Variants in LYRM4 observed in about 807,000 individuals in gnomAD.
LYRM4 encodes LYR motif containing 4.
Under a neutral mutation model 11.7 loss-of-function variants are expected in LYRM4, and 9 were observed. That is an observed-to-expected ratio of 0.77 (90% CI 0.46 to 1.34). The LOEUF is 1.34. Ranked by LOEUF, LYRM4 falls within the 40% of genes most tolerant of loss-of-function variation. LYRM4 has a pLI of 0.00. For synonymous variants in LYRM4, 42 were observed against 40.4 expected (o/e 1.04, Z -0.15); for missense variants, 133 against 112.5 (o/e 1.18, Z -0.82).
intron 1 of LYRM4, among the ~76,000 whole-genome samples, chr6:5,252,624 T>C (rs888894697): frequency 6.6e-6 from 1 of 152,226 alleles, no homozygotes; most frequent in Non-Finnish European, 1.5e-5. Context: ...TCACTAGAGA[T>C]GCTAGAATAG....
chr6:5,035,169 T>C, the LYRM4 span, among the ~76,000 whole-genome samples: 2 of 152,078 alleles, frequency 1.3e-5, no homozygotes, highest in African/African-American at 4.8e-5. Flanking sequence ...ATTTGCTAGT[T>C]CAGGGTTTGA....
chr6:5,068,238 T>C, the LYRM4 span, among the ~76,000 whole-genome samples: 1 of 152,286 alleles, frequency 6.6e-6, no homozygotes, highest in African/African-American at 2.4e-5. This position sits in a 1 kb window ranked among gnomAD's most constrained non-coding sequence, Gnocchi z 4.0. Flanking sequence ...AGAAGTCAGT[T>C]TGGAAATGCG....
At chr6:5,216,133 G>C (rs80021251) in intron 2 of LYRM4, among the ~76,000 whole-genome samples, 2,981 of 152,186 alleles carry the variant, frequency 0.02, 86 homozygotes, top group African/African-American at 0.067. Flanking sequence ...CACCCAAGCA[G>C]CTGTACTTTA....
the LYRM4 span, among the ~76,000 whole-genome samples, chr6:5,072,848 T>C: frequency 1.3e-5 from 2 of 152,186 alleles, no homozygotes; most frequent in African/African-American, 4.8e-5. Flanking sequence ...TGAAGACTTC[T>C]TTTAGAAAAA....
intron 2 of LYRM4, among the ~76,000 whole-genome samples, chr6:5,141,344 C>T (rs980085782): frequency 5.3e-5 from 8 of 152,160 alleles, no homozygotes; most frequent in South Asian, 2.1e-4. Context: ...GGCTTCTCTG[C>T]GCATCAGTTT....
chr6:5,122,939 G>A (rs1763526644), intron 2 of LYRM4, among the ~76,000 whole-genome samples: 1 of 152,198 alleles, frequency 6.6e-6, no homozygotes, highest in Non-Finnish European at 1.5e-5. Context: ...GAGCTGCTAC[G>A]CGACATCCAC....
chr6:5,239,585 G>A (rs897319747), intron 1 of LYRM4, among the ~76,000 whole-genome samples: 3 of 151,964 alleles, frequency 2.0e-5, no homozygotes, highest in Admixed American at 6.6e-5. Context: ...GTGGTGTCCC[G>A]CACGCTAGGG....
intron 2 of LYRM4, among the ~76,000 whole-genome samples, chr6:5,113,928 A>C (rs1193946552): frequency 6.6e-6 from 1 of 152,214 alleles, no homozygotes; most frequent in Non-Finnish European, 1.5e-5. Context: ...TACGTTATGA[A>C]AATTTGAGAT....
downstream of LYRM4, chr6:5,104,261 G>A (rs1049897819): frequency 6.6e-6 from 1 of 151,660 alleles, no homozygotes; most frequent in African/African-American, 2.4e-5. Flanking sequence ...AGGGTCTTTC[G>A]AGTTGTTTTA....
Position 5,113,216 on chromosome 6 carries a change from C to T in LYRM4, c.208-3725G>A, listed in dbSNP as rs141258590. On this transcript the variant is annotated intron_variant, in intron 2 of 2. Coordinates refer to ENST00000330636, the MANE Select transcript of LYRM4 (RefSeq NM_020408.6). ...TCGGGAGGTCGAGACGGGTGGATCA[C>T]GAGGTCACAAGTCTGAGACCAGCCT... 6.3e-4 allele frequency: 221 copies of T among 353,330 alleles called. 1 individual carries two copies. The highest frequency in any genetic ancestry group is 4.4e-3 in the African/African-American group (202 of 46,096). 21.9% of individuals were successfully genotyped at this position (353,330 alleles called of 1,614,324 possible).
At chr6:5,145,347 T>C (rs200868) in intron 2 of LYRM4, among the ~76,000 whole-genome samples, 122,212 of 152,220 alleles carry the variant, frequency 0.8, 49,245 homozygotes, top group East Asian at 0.92. Context: ...CCTGTGTAAG[T>C]GCCTTATCGC....
the LYRM4 span, chr6:5,065,912 C>T: frequency 4.6e-6 from 1 of 216,638 alleles, no homozygotes; most frequent in African/African-American, 2.3e-5. Context: ...TTCTCTTCTT[C>T]CTTTTTTCCT....
chr6:5,088,087 A>AT, the LYRM4 span: 1 of 151,732 alleles, frequency 6.6e-6, no homozygotes, highest in Non-Finnish European at 1.5e-5. Flanking sequence ...TTTATTTTTA[A>AT]TTTAATTTTC....
the LYRM4 span, among the ~76,000 whole-genome samples, chr6:5,063,772 C>A: frequency 4.6e-5 from 7 of 152,224 alleles, no homozygotes; most frequent in Admixed American, 3.3e-4. Flanking sequence ...CCTGCCCAGC[C>A]TGGTCCCACC....
intron 1 of LYRM4, among the ~76,000 whole-genome samples, chr6:5,252,752 C>A (rs927298577): frequency 6.6e-6 from 1 of 152,110 alleles, no homozygotes; most frequent in Non-Finnish European, 1.5e-5. Flanking sequence ...GCTGTGACTG[C>A]CCTTCTTCTT....
At chr6:5,171,072 TG>T (rs1759401111) in intron 2 of LYRM4, among the ~76,000 whole-genome samples, 1 of 152,258 alleles carries the variant, frequency 6.6e-6, no homozygotes, top group South Asian at 2.1e-4. Flanking sequence ...AGGAAAACTA[TG>T]CATTCATATT....
At chr6:5,079,889 CCTT>C in the LYRM4 span, among the ~76,000 whole-genome samples, 17 of 152,342 alleles carry the variant, frequency 1.1e-4, no homozygotes, top group East Asian at 3.9e-4. Context: ...GCAAGCTCCT[CCTT>C]GTTGGGCAGT....
intron 1 of LYRM4, among the ~76,000 whole-genome samples, chr6:5,249,373 G>A (rs932001314): frequency 1.3e-5 from 2 of 152,192 alleles, no homozygotes; most frequent in African/African-American, 4.8e-5. Context: ...AAAATAATAT[G>A]TAAGTCAAAG....
the LYRM4 span, among the ~76,000 whole-genome samples, chr6:5,060,892 A>G: frequency 4.6e-5 from 7 of 152,182 alleles, no homozygotes; most frequent in Non-Finnish European, 8.8e-5. Flanking sequence ...TGCCCACCCC[A>G]TAGCCAACTA....
Sources: gnomAD v4.1 joint callset for allele counts (sites outside exome capture counted in the v4.1 genomes callset) on GRCh38, gnomAD v4.1.1 for gene constraint, Gnocchi (gnomAD v3.1) non-coding constraint, MANE v1.5 for transcripts, NCBI Gene and HGNC (gene_info 2026-07-23, HGNC 2026-07-21) for gene names.